The following DSCAML1 variants were observed in gnomAD, a reference collection of about 807,000 sequenced individuals.
The protein encoded by DSCAML1 is DS cell adhesion molecule like 1.
DSCAML1 carries 38 observed loss-of-function variants against 200.5 expected under a neutral mutation model. The observed-to-expected ratio is 0.19, with a 90% CI of 0.15 to 0.25. The LOEUF is 0.25. DSCAML1 is among the 10% of genes least tolerant of loss of function. The pLI is 1.00. For synonymous variants in DSCAML1, 1,215 were observed against 1,165.0 expected (o/e 1.04, Z -0.87); for missense variants, 2,223 against 2,858.8 (o/e 0.78, Z 5.07).
At chr11:117,429,617 G>A (rs190651157) in intron 32 of DSCAML1, among the ~76,000 whole-genome samples, 9 of 152,232 alleles carry the variant, frequency 5.9e-5, no homozygotes, top group East Asian at 1.9e-4. Context: ...CAGGTGATCC[G>A]CCTGCCTTGG....
intron 1 of DSCAML1, among the ~76,000 whole-genome samples, chr11:117,788,228 A>T (rs2055396731): frequency 6.6e-6 from 1 of 152,062 alleles, no homozygotes; most frequent in Non-Finnish European, 1.5e-5. Flanking sequence ...ATGTCCACCC[A>T]ATCTGGCACA....
At chr11:117,523,742 A>G (rs993776875) in intron 5 of DSCAML1, among the ~76,000 whole-genome samples, 7 of 152,190 alleles carry the variant, frequency 4.6e-5, no homozygotes, top group Non-Finnish European at 7.4e-5. Flanking sequence ...TATGCTCACA[A>G]TGAATGGGAG....
chr11:117,810,727 T>C (rs557603889), intron 1 of DSCAML1, among the ~76,000 whole-genome samples: 1 of 152,216 alleles, frequency 6.6e-6, no homozygotes, highest in Non-Finnish European at 1.5e-5. Flanking sequence ...AAACAGCTCT[T>C]TCAATTTTTC....
Position 117,428,514 on chromosome 11 carries a change from AGGGGTGGGGCCGGGGGCTGGG to A in DSCAML1, c.5955_5975del (p.Pro1986_Pro1992del). Reference sequence around the variant, plus strand: ...CGCTGGGGGCGGTGGGTGGCTCAGCAGGGGTGGGGCCGGGGGCTGGGGGGGCTGTGCCGGCTGGGGGGGCTG... The same window carrying A: ...CGCTGGGGGCGGTGGGTGGCTCAGCAGGGGCTGTGCCGGCTGGGGGGGCTG... On this transcript the variant is annotated inframe_deletion, in exon 33 of 33. Transcript: ENST00000651296. The A allele has an allele frequency of 3.1e-6, 3 of 968,248 alleles. No individual in the cohort carries two copies. Among genetic ancestry groups the A allele is most frequent in the Non-Finnish European group, 4.3e-6 (3 of 694,760 alleles). The allele number at this position is 968,248 out of a possible 1,614,324, so 60.0% of individuals were successfully genotyped here.
intron 3 of DSCAML1, among the ~76,000 whole-genome samples, chr11:117,541,910 C>T (rs1019773944): frequency 1.8e-4 from 28 of 152,266 alleles, no homozygotes; most frequent in South Asian, 4.1e-4. Flanking sequence ...GGAAATGCTA[C>T]CCCCAGCCCG....
intron 1 of DSCAML1, among the ~76,000 whole-genome samples, chr11:117,795,884 G>T (rs1357071104): frequency 1.3e-5 from 2 of 152,172 alleles, no homozygotes; most frequent in African/African-American, 4.8e-5. Context: ...TTGCCGCCCG[G>T]CCAGGGCAAC....
At chr11:117,566,563 TGTTTG>T (rs2050761267) in intron 3 of DSCAML1, among the ~76,000 whole-genome samples, 2 of 151,652 alleles carry the variant, frequency 1.3e-5, no homozygotes, top group East Asian at 1.9e-4. Flanking sequence ...GTTTTTTTTT[TGTTTG>T]TTTTATTTAT....
intron 32 of DSCAML1, among the ~76,000 whole-genome samples, chr11:117,429,091 C>G (rs570185449): frequency 3.9e-5 from 6 of 152,252 alleles, no homozygotes; most frequent in Admixed American, 2.0e-4. Flanking sequence ...GTGCAGATAA[C>G]AGCTGCCCAG....
At chr11:117,699,460 C>T (rs1005590596) in intron 3 of DSCAML1, among the ~76,000 whole-genome samples, 1 of 152,182 alleles carries the variant, frequency 6.6e-6, no homozygotes, top group Admixed American at 6.5e-5. Flanking sequence ...AACGGAGAGA[C>T]GGCAAAGTCC....
intron 3 of DSCAML1, among the ~76,000 whole-genome samples, chr11:117,628,096 C>T (rs774192339): frequency 6.6e-6 from 1 of 152,206 alleles, no homozygotes; most frequent in Non-Finnish European, 1.5e-5. Context: ...CTGTAAGGGA[C>T]ACATCAGCAT....
intron 19 of DSCAML1, 131 bp downstream of exon 19, chr11:117,458,623 G>A (rs1371837769): frequency 4.9e-6 from 6 of 1,213,368 alleles, no homozygotes; most frequent in African/African-American, 1.5e-5. Flanking sequence ...GAGTCCTCAA[G>A]GCTACTCTCC....
intron 3 of DSCAML1, among the ~76,000 whole-genome samples, chr11:117,706,812 C>T (rs12574878): frequency 0.012 from 1,857 of 152,330 alleles, 19 homozygotes; most frequent in East Asian, 0.04. Context: ...TTCCACAGAA[C>T]CACTGACCTG....
At chr11:117,704,127 A>AGGAGGGAG (rs965870384) in intron 3 of DSCAML1, among the ~76,000 whole-genome samples, 1 of 113,894 alleles carries the variant, frequency 8.8e-6, no homozygotes, top group Non-Finnish European at 1.7e-5. Context: ...GAAGGAAGGG[A>AGGAGGGAG]GGAGGGAGGG....
chr11:117,688,274 A>G (rs11216503), intron 3 of DSCAML1, among the ~76,000 whole-genome samples: 26,161 of 152,192 alleles, frequency 0.17, 2,414 homozygotes, highest in Middle Eastern at 0.22. Flanking sequence ...TGAACCATCA[A>G]GGGTGGCACC....
intron 3 of DSCAML1, among the ~76,000 whole-genome samples, chr11:117,688,079 G>A (rs1171518258): frequency 6.6e-6 from 1 of 152,246 alleles, no homozygotes; most frequent in South Asian, 2.1e-4. Context: ...CAGATGATGG[G>A]TGAGGAGAGA....
chr11:117,499,896 G>A (rs1322054543), intron 11 of DSCAML1, among the ~76,000 whole-genome samples: 2 of 152,228 alleles, frequency 1.3e-5, no homozygotes, highest in Non-Finnish European at 2.9e-5. Context: ...ACTAGCTTGG[G>A]AATTCCGACT....
intron 3 of DSCAML1, among the ~76,000 whole-genome samples, chr11:117,579,629 C>T (rs1212571384): frequency 6.6e-6 from 1 of 152,188 alleles, no homozygotes; most frequent in Non-Finnish European, 1.5e-5. Context: ...GTATGTGGCA[C>T]TGTTTGATAT....
At chr11:117,448,097 A>C (rs924474798) in intron 20 of DSCAML1, among the ~76,000 whole-genome samples, 1 of 152,170 alleles carries the variant, frequency 6.6e-6, no homozygotes, top group Non-Finnish European at 1.5e-5. Context: ...GAGGGTCCCA[A>C]TGTCTCCATC....
chr11:117,764,418 G>A (rs185463615), intron 3 of DSCAML1, among the ~76,000 whole-genome samples: 2 of 152,268 alleles, frequency 1.3e-5, no homozygotes, highest in East Asian at 3.9e-4. Flanking sequence ...TTTGGTGCGT[G>A]GGAAGAGGAA....
Sources: gnomAD v4.1 joint callset for allele counts (sites outside exome capture counted in the v4.1 genomes callset) on GRCh38, gnomAD v4.1.1 for gene constraint, MANE v1.5 for transcripts, NCBI Gene and HGNC (gene_info 2026-07-23, HGNC 2026-07-21) for gene names.